Variants in BICRA observed in about 807,000 individuals in gnomAD.
The protein encoded by BICRA is BRD4 interacting chromatin remodeling complex associated protein, also known as BRD4-interacting chromatin-remodeling complex-associated protein.
A neutral mutation model predicts 96.9 loss-of-function variants in BICRA; 31 were observed. The observed-to-expected ratio is 0.32, with a 90% CI of 0.24 to 0.43. The LOEUF is 0.43. Ranked by LOEUF, BICRA falls within the 20% of genes least tolerant of loss-of-function variation. The pLI is 1.00. For missense variants in BICRA, 2,283 were observed against 2,190.3 expected (o/e 1.04, Z -0.84); for synonymous variants, 1,350 against 1,071.8 (o/e 1.26, Z -5.07).
chr19:47,680,921 AG>A lies in BICRA; in HGVS notation c.1756del (p.Val586SerfsTer138). 1 of 1,480,678 alleles carries A rather than the reference AG, an allele frequency of 6.8e-7. No homozygotes were observed. Among genetic ancestry groups the A allele is most frequent in the African/African-American group, 1.5e-5 (1 of 68,842 alleles). The allele number at this position is 1,480,678 out of a possible 1,614,324, so 91.7% of individuals were successfully genotyped here. A position where few individuals can be genotyped will look rare whatever the true frequency, so the allele number is the denominator to read the frequency against. On this transcript the variant is annotated frameshift_variant, in exon 6 of 15. Coordinates refer to ENST00000594866, the MANE Select transcript of BICRA (RefSeq NM_001394372.1). LOFTEE classifies it high-confidence loss of function. ...GGGCCGGCCGCCACCACTGTCCTCC[AG>A]GGGGTCACCCTGCCCCCCAGCGCCG... ...PAGPAATTVL[Q>X]GVTLPPSAVA... is the part of the protein sequence containing the mutation.
At position 47,681,001 on chromosome 19, in the gene BICRA, G is replaced by A; in HGVS notation, c.1831G>A (p.Ala611Thr). The A allele has an allele frequency of 6.9e-7, 1 of 1,458,712 alleles. No homozygotes were observed. Among genetic ancestry groups the A allele is most frequent in the Admixed American group, 2.6e-5 (1 of 38,502 alleles). 90.4% of individuals were successfully genotyped at this position (1,458,712 alleles called of 1,614,324 possible). ...GGTGCAGCCGGCCACCCCTGCCGCTGCCACCGGGGAGGCCGCGCCTGTCCT... is the reference window on the plus strand; with the variant it reads ...GGTGCAGCCGGCCACCCCTGCCGCTACCACCGGGGAGGCCGCGCCTGTCCT... ...GLVQPATPAA[A>T]TGEAAPVLTV... The change falls in exon 6 of 15, where the codon GCC becomes ACC. Residue 611 changes from alanine to threonine, a missense_variant. Transcript: ENST00000594866.
chr19:47,673,386 G>A (rs1449167465), intron 2 of BICRA, among the ~76,000 whole-genome samples, 184 bp from the exon 3 acceptor site: 1 of 151,992 alleles, frequency 6.6e-6, no homozygotes, highest in African/African-American at 2.4e-5. Flanking sequence ...CCCTGTCCCT[G>A]GTCAGGGGTT....
chr19:47,640,184 C>G (rs111964606), intron 1 of BICRA, among the ~76,000 whole-genome samples: 158 of 152,264 alleles, frequency 1.0e-3, no homozygotes, highest in African/African-American at 3.4e-3. Context: ...TTACTGAGCT[C>G]CTATTGTATT....
At position 47,698,983 on chromosome 19, in the gene BICRA, C is replaced by T. The variant is rs552885093; in HGVS notation, c.3416C>T (p.Thr1139Met). The change falls in exon 13 of 15, where the codon ACG becomes ATG. Residue 1139 changes from threonine (T) to methionine (M), a missense_variant. By Grantham distance (81) the Thr-to-Met change is moderately conservative (BLOSUM62 -1). Coordinates refer to ENST00000594866, the MANE Select transcript of BICRA (RefSeq NM_001394372.1). The surrounding 1 kb of genome is among the most constrained non-coding windows in gnomAD (Gnocchi z 4.8). Reference sequence around the variant, plus strand: ...CTCGCAGTGGACGAGGAGTTTGAGACGGTCTCCACGCAGCTGCTGAAACGC... The same window carrying T: ...CTCGCAGTGGACGAGGAGTTTGAGATGGTCTCCACGCAGCTGCTGAAACGC... The part of the protein sequence containing the change: ...DYHKVDEEFE[T>M]VSTQLLKRTQ... 8 of 1,584,518 alleles carry T rather than the reference C, an allele frequency of 5.0e-6. 1 individual carries two copies. In the South Asian group the frequency reaches 6.9e-5, roughly 14 times the overall value.
At position 47,679,920 on chromosome 19, in the gene BICRA, C is replaced by T. The variant is rs1347410244; in HGVS notation, c.750C>T (p.Ser250=). 2.0e-6 allele frequency: 3 copies of T among 1,520,254 alleles called. No homozygotes were observed. The highest frequency in any genetic ancestry group is 2.0e-5 in the Admixed American group (1 of 48,964). The allele number at this position is 1,520,254 out of a possible 1,614,324, so 94.2% of individuals were successfully genotyped here. The change falls in exon 6 of 15, where the codon TCC becomes TCT. Residue 250 remains serine (S), a synonymous_variant. Transcript: ENST00000594866. Reference sequence around the variant, plus strand: ...TCATGGCGCTCAACACGCCCACCTCCCAGCTCCTGGCCAAGCAGGTGCCCG... The same window carrying T: ...TCATGGCGCTCAACACGCCCACCTCTCAGCTCCTGGCCAAGCAGGTGCCCG... ...QPVMALNTPT[S]QLLAKQVPVS...
At chr19:47,659,900 C>G (rs1227413214) in intron 1 of BICRA, among the ~76,000 whole-genome samples, 2 of 152,128 alleles carry the variant, frequency 1.3e-5, no homozygotes, top group Non-Finnish European at 2.9e-5. Flanking sequence ...CAGGTGCACA[C>G]TAGCATACCT....
At chr19:47,650,033 C>T (rs1972518710) in intron 1 of BICRA, among the ~76,000 whole-genome samples, 2 of 152,136 alleles carry the variant, frequency 1.3e-5, no homozygotes, top group East Asian at 1.9e-4. Flanking sequence ...CTCACTGCCA[C>T]CTCCACCTCC....
rs777475487 is a variant in BICRA at position 47,680,063 on chromosome 19, C to A, written c.893C>A (p.Ala298Asp). The change falls in exon 6 of 15, where the codon GCC (alanine) becomes GAC (aspartate). Residue 298 changes from alanine (A) to aspartate (D), a missense_variant. Physicochemically the swap from Ala to Asp is moderately radical, Grantham distance 126 (BLOSUM62 -2). Coordinates refer to ENST00000594866, the MANE Select transcript of BICRA (RefSeq NM_001394372.1). ...CAGAAGAACCTCTCGGCCGCTGTGG[C>A]CACCACGCTCAATGGGAACTCTGTG... Reference protein sequence around the residue: ...VIQKNLSAAVATTLNGNSVFG... With the variant: ...VIQKNLSAAVDTTLNGNSVFG... The A allele has an allele frequency of 6.4e-7, 1 of 1,562,116 alleles. No individual in the cohort carries two copies. The highest frequency in any genetic ancestry group is 1.8e-5 in the Admixed American group (1 of 54,260).
chr19:47,648,122 C>CT (rs1203017115), intron 1 of BICRA, among the ~76,000 whole-genome samples: 1 of 152,020 alleles, frequency 6.6e-6, no homozygotes, highest in Non-Finnish European at 1.5e-5. Context: ...GTCCCTCTCT[C>CT]TGTCTCTCTG....
chr19:47,673,613 T>A lies in BICRA; in HGVS notation c.39T>A (p.Ile13=). ...DEDGRCLLDV[I]CDPQALNDFL... ...ATGGGAGATGCTTACTAGACGTGATTTGGTGAGTAACGGGCTCCCCACCCC... is the reference window on the plus strand; with the variant it reads ...ATGGGAGATGCTTACTAGACGTGATATGGTGAGTAACGGGCTCCCCACCCC... The change falls in exon 3 of 15, where the codon ATT becomes ATA. Residue 13 remains isoleucine (I), a splice_region_variant and synonymous_variant. Transcript: ENST00000594866. 1.9e-6 allele frequency: 3 copies of A among 1,611,236 alleles called. No homozygotes were observed. In the African/African-American group the frequency reaches 4.0e-5, roughly 21 times the overall value.
intron 1 of BICRA, among the ~76,000 whole-genome samples, chr19:47,655,722 G>A (rs1423829135): frequency 6.6e-6 from 1 of 150,506 alleles, no homozygotes; most frequent in Non-Finnish European, 1.5e-5. Context: ...TGGGCTTGGT[G>A]GCGGGCACCT....
intron 1 of BICRA, among the ~76,000 whole-genome samples, chr19:47,653,810 G>A (rs1054250858): frequency 6.6e-6 from 1 of 152,082 alleles, no homozygotes. Flanking sequence ...AAGGTGCTGC[G>A]GATGTTCACA....
intron 1 of BICRA, among the ~76,000 whole-genome samples, chr19:47,668,487 C>CT (rs35737042): frequency 0.17 from 21,570 of 125,900 alleles, 2,262 homozygotes; most frequent in East Asian, 0.47. Flanking sequence ...CTTTGTGAGT[C>CT]TTTTTTTTTT....
chr19:47,658,047 C>G (rs1198336505), intron 1 of BICRA, among the ~76,000 whole-genome samples: 1 of 151,998 alleles, frequency 6.6e-6, no homozygotes, highest in Admixed American at 6.6e-5. Context: ...TCATAGCAGT[C>G]TTTCAAGCAA....
rs2123618200 is a variant in BICRA, at chr19:47,702,206, C to T, written c.4474C>T (p.Pro1492Ser). The change falls in exon 15 of 15, where the codon CCG becomes TCG. Residue 1492 changes from proline to serine, a missense_variant. Pro to Ser is a moderately conservative substitution (Grantham distance 74). Transcript: ENST00000594866. ...VDQASFSSDSPQDDTLTEHLQ... is the reference protein window; with the variant it reads ...VDQASFSSDSSQDDTLTEHLQ... ...CCAGGCCAGCTTCTCCAGCGACAGCCCGCAGGATGACACGCTCACCGAGCA... is the reference window on the plus strand; with the variant it reads ...CCAGGCCAGCTTCTCCAGCGACAGCTCGCAGGATGACACGCTCACCGAGCA... 4.4e-6 allele frequency: 7 copies of T among 1,596,096 alleles called. No homozygotes were observed. The South Asian group carries it at 6.7e-5, about 15-fold the overall frequency.
intron 1 of BICRA, among the ~76,000 whole-genome samples, chr19:47,669,421 C>T (rs934208727): frequency 6.6e-6 from 1 of 151,978 alleles, no homozygotes; most frequent in East Asian, 1.9e-4. Context: ...GGCAGCTCAG[C>T]GTTCACGGTG....
chr19:47,692,702 T>A (rs1053768773), intron 7 of BICRA, among the ~76,000 whole-genome samples: 1 of 152,104 alleles, frequency 6.6e-6, no homozygotes, highest in African/African-American at 2.4e-5. Context: ...GAAGACTGAT[T>A]GATTGATTGG....
intron 1 of BICRA, among the ~76,000 whole-genome samples, chr19:47,653,411 T>G (rs6509332): frequency 0.77 from 116,823 of 151,288 alleles, 45,340 homozygotes; most frequent in East Asian, 0.95. Flanking sequence ...CCAATTCAGT[T>G]GTTTTCAGTA....
intron 1 of BICRA, among the ~76,000 whole-genome samples, chr19:47,667,513 A>AG (rs1972800765): frequency 6.6e-6 from 1 of 152,156 alleles, no homozygotes; most frequent in Admixed American, 6.6e-5. Flanking sequence ...TACCAGAGCC[A>AG]GGGAGGAGGC....
Sources: allele counts gnomAD v4.1 joint callset (sites outside exome capture counted in the v4.1 genomes callset), GRCh38; gene constraint gnomAD v4.1.1; non-coding constraint Gnocchi (gnomAD v3.1); transcripts MANE v1.5; gene names NCBI Gene and HGNC (gene_info 2026-07-23, HGNC 2026-07-21).